CCDC158: variants seen among roughly 807,000 people sequenced by gnomAD.
CCDC158 encodes the protein coiled-coil domain containing 158.
A neutral mutation model predicts 138.6 loss-of-function variants in CCDC158; 116 were observed. The ratio of observed to expected loss-of-function variants is 0.84; its 90% CI spans 0.72 to 0.98. CCDC158 has a LOEUF of 0.98. Ranked by LOEUF, CCDC158 falls within the 50% of genes least tolerant of loss-of-function variation. The pLI, the probability that CCDC158 is intolerant of heterozygous loss-of-function variation, is 0.00. For missense variants in CCDC158, 1,265 were observed against 1,306.1 expected (o/e 0.97, Z 0.48); for synonymous variants, 436 against 442.4 (o/e 0.99, Z 0.18).
In CCDC158 at chr4:76,416,344, A is replaced by G. The variant is rs185005797; in HGVS notation, c.-116-4212T>C. 4.5e-3 allele frequency among the ~76,000 whole-genome samples: 680 copies of G among 152,226 alleles called. 6 individuals are homozygous for G. The highest frequency in any genetic ancestry group is 0.015 in the African/African-American group (622 of 41,544). ...CGCGTCTTGGTTGTAGTGGTCCCCC[A>G]GGCCCAGCTGTCTTTTATCTCTTTG... On this transcript the variant is annotated intron_variant, in intron 1 of 24. Coordinates refer to ENST00000682701, the MANE Select transcript of CCDC158 (RefSeq NM_001394954.1).
chr4:76,373,402 C>A (rs570075178), intron 9 of CCDC158, among the ~76,000 whole-genome samples: 1 of 152,260 alleles, frequency 6.6e-6, no homozygotes, highest in South Asian at 2.1e-4. Flanking sequence ...GGTGCATATT[C>A]CTTCTTAGCT....
At chr4:76,397,263 T>C (rs1246705438) in intron 3 of CCDC158, among the ~76,000 whole-genome samples, 1 of 151,726 alleles carries the variant, frequency 6.6e-6, no homozygotes. Context: ...AATGCAGTTA[T>C]CTATGGGGTA....
intron 13 of CCDC158, among the ~76,000 whole-genome samples, chr4:76,358,741 A>G (rs1723826763): frequency 6.6e-6 from 1 of 152,096 alleles, no homozygotes; most frequent in Non-Finnish European, 1.5e-5. Flanking sequence ...TTTGTACTCA[A>G]TACACTTTCA....
intron 2 of CCDC158, among the ~76,000 whole-genome samples, chr4:76,409,207 A>G (rs2109896864): frequency 6.6e-6 from 1 of 152,342 alleles, no homozygotes; most frequent in East Asian, 1.9e-4. Context: ...AATTTGGTCA[A>G]GTCATCAGTG....
chr4:76,403,961 T>C (rs1161826763), intron 2 of CCDC158, among the ~76,000 whole-genome samples: 1 of 150,236 alleles, frequency 6.7e-6, no homozygotes, highest in Non-Finnish European at 1.5e-5. Context: ...TCCCCAGAGG[T>C]GAAAAAGTAA....
chr4:76,410,275 C>T (rs1293785042), intron 2 of CCDC158, among the ~76,000 whole-genome samples: 1 of 152,166 alleles, frequency 6.6e-6, no homozygotes, highest in African/African-American at 2.4e-5. Flanking sequence ...ACCTCCACCT[C>T]CCATGTTCAA....
At chr4:76,320,998 T>C (rs1482460748) in intron 24 of CCDC158, among the ~76,000 whole-genome samples, 5 of 152,032 alleles carry the variant, frequency 3.3e-5, no homozygotes, top group Non-Finnish European at 1.5e-5. Context: ...AAGAAAATAT[T>C]TGCAAACTGT....
In CCDC158 at chr4:76,375,119, A is replaced by C. The variant is rs556120461; in HGVS notation, c.1030-3583T>G. The C allele has an allele frequency of 4.7e-4, 74 of 155,904 alleles. No individual in the cohort carries two copies. In the East Asian group the frequency reaches 0.013, roughly 28 times the overall value. 9.7% of individuals were successfully genotyped at this position (155,904 alleles called of 1,614,324 possible). On this transcript the variant is annotated intron_variant, in intron 9 of 24. Coordinates refer to ENST00000682701, the MANE Select transcript of CCDC158 (RefSeq NM_001394954.1). ...GAGTTGATATAAACAGCTGTAAAAA[A>C]CACTATAAAGAAAAGCCTTTTAAAA...
intron 3 of CCDC158, among the ~76,000 whole-genome samples, chr4:76,399,225 C>G (rs1028909056): frequency 6.6e-6 from 1 of 152,132 alleles, no homozygotes; most frequent in Non-Finnish European, 1.5e-5. Context: ...AAGATGTTCA[C>G]TGTATTGTTC....
At chr4:76,353,386 G>C in intron 15 of CCDC158, 105 bp from the exon 16 acceptor site, 1 of 849,420 alleles carries the variant, frequency 1.2e-6, no homozygotes, top group Non-Finnish European at 1.8e-6. Context: ...AACTAGGTAA[G>C]TTTAATTTAT....
intron 12 of CCDC158, among the ~76,000 whole-genome samples, chr4:76,363,031 G>A (rs1207055660): frequency 2.0e-5 from 3 of 152,178 alleles, no homozygotes; most frequent in South Asian, 2.1e-4. Context: ...CTTGACTGTC[G>A]TCTGGGAACT....
rs1366410496 is a variant in CCDC158, at chr4:76,396,367, G to A, written c.190C>T (p.Pro64Ser). The A allele has an allele frequency of 1.2e-6, 2 of 1,613,614 alleles. No homozygotes were observed. Among genetic ancestry groups the A allele is most frequent in the African/African-American group, 2.7e-5 (2 of 74,900 alleles). Reference sequence around the variant, plus strand: ...CCAGGAGATGGGATGATTTTTCTAGGAGAATCAAGTTCCACTTCATATTTA... The same window carrying A: ...CCAGGAGATGGGATGATTTTTCTAGAAGAATCAAGTTCCACTTCATATTTA... ...FPKYEVELDSPRKIIPSPGKE... is the reference protein window; with the variant it reads ...FPKYEVELDSSRKIIPSPGKE... Residue 64 changes from proline to serine, a missense_variant, in exon 4 of 25, where the codon CCT (proline) becomes TCT (serine). By Grantham distance (74) the Pro-to-Ser change is moderately conservative. Coordinates refer to ENST00000682701, the MANE Select transcript of CCDC158 (RefSeq NM_001394954.1).
chr4:76,399,821 G>C (rs1728179383), intron 3 of CCDC158, among the ~76,000 whole-genome samples: 1 of 152,180 alleles, frequency 6.6e-6, no homozygotes, highest in Non-Finnish European at 1.5e-5. Flanking sequence ...CTGAAGATAT[G>C]AATGAGCAGG....
At chr4:76,411,676 G>A (rs1005653021) in intron 2 of CCDC158, among the ~76,000 whole-genome samples, 2 of 152,202 alleles carry the variant, frequency 1.3e-5, no homozygotes, top group African/African-American at 2.4e-5. Flanking sequence ...TTAGAATCAG[G>A]AAACTTAATT....
At chr4:76,364,379 G>A (rs1440233172) in intron 12 of CCDC158, among the ~76,000 whole-genome samples, 4 of 152,108 alleles carry the variant, frequency 2.6e-5, no homozygotes, top group Non-Finnish European at 4.4e-5. Flanking sequence ...GGTCTGTGTC[G>A]TCTAACACAA....
chr4:76,348,845 T>C (rs1275545699), intron 18 of CCDC158, among the ~76,000 whole-genome samples: 1 of 152,086 alleles, frequency 6.6e-6, no homozygotes, highest in Non-Finnish European at 1.5e-5. Context: ...AATAAACAAT[T>C]AATACGTGTG....
rs538107056 is a variant in CCDC158, at chr4:76,351,155, G to A, written c.2539-34C>T. On this transcript the variant is annotated intron_variant, in intron 17 of 24. Transcript: ENST00000682701. ...CAATATAGAGGTAAGCAAAATAACT[G>A]CCAGCCTACAATTATAAAGAAATGT... 2.2e-5 allele frequency: 35 copies of A among 1,567,200 alleles called. No homozygotes were observed. In the African/African-American group the frequency reaches 3.6e-4, roughly 16 times the overall value.
rs115156306 is a variant in CCDC158 at position 76,319,721 on chromosome 4, T to A, written c.3277+3581A>T. 8.4e-3 allele frequency among the ~76,000 whole-genome samples: 1,273 copies of A among 150,892 alleles called. 17 individuals carry two copies. Among genetic ancestry groups the A allele is most frequent in the African/African-American group, 0.03 (1,214 of 41,064 alleles). ...CATCATCTCAAAAAATGCAGAAAAA[T>A]CATTTGACAAAATCCAGCATCCCTT... On this transcript the variant is annotated intron_variant, in intron 24 of 24. Coordinates refer to ENST00000682701, the MANE Select transcript of CCDC158 (RefSeq NM_001394954.1).
chr4:76,369,164 G>A (rs1045494776), intron 11 of CCDC158, among the ~76,000 whole-genome samples: 4 of 152,092 alleles, frequency 2.6e-5, no homozygotes, highest in African/African-American at 7.2e-5. Context: ...GCAGTGAGCC[G>A]AGATCGCGCC....
Sources: allele counts gnomAD v4.1 joint callset (sites outside exome capture counted in the v4.1 genomes callset), GRCh38; gene constraint gnomAD v4.1.1; transcripts MANE v1.5; gene names NCBI Gene and HGNC (gene_info 2026-07-23, HGNC 2026-07-21).